The following KIAA0319L variants were observed in gnomAD, a reference collection of about 807,000 sequenced individuals.
KIAA0319L encodes the protein dyslexia-associated protein KIAA0319-like protein.
Under a neutral mutation model 120.1 loss-of-function variants are expected in KIAA0319L, and 55 were observed. The observed-to-expected ratio is 0.46, with a 90% CI of 0.37 to 0.57. The LOEUF (loss-of-function observed/expected upper bound fraction) is 0.57. KIAA0319L is among the 20% of genes least tolerant of loss of function. The pLI, the probability that KIAA0319L is intolerant of heterozygous loss-of-function variation, is 0.00. For missense variants in KIAA0319L, 1,049 were observed against 1,255.3 expected (o/e 0.84, Z 2.48); for synonymous variants, 398 against 471.9 (o/e 0.84, Z 2.03).
At chr1:35,503,052 T>G (rs1645065666) in intron 3 of KIAA0319L, among the ~76,000 whole-genome samples, 1 of 152,170 alleles carries the variant, frequency 6.6e-6, no homozygotes, top group Non-Finnish European at 1.5e-5. Flanking sequence ...GTTTGCCATC[T>G]TCTATCCTTC....
intron 2 of KIAA0319L, among the ~76,000 whole-genome samples, chr1:35,513,297 T>A (rs1477096451): frequency 2.7e-3 from 384 of 141,604 alleles, no homozygotes; most frequent in South Asian, 6.8e-3. Context: ...TATTTTTTTT[T>A]TTTTTTTTTT....
At chr1:35,489,207 A>C (rs1442324553) in intron 3 of KIAA0319L, among the ~76,000 whole-genome samples, 3 of 152,128 alleles carry the variant, frequency 2.0e-5, no homozygotes, top group Non-Finnish European at 4.4e-5. Context: ...CACAAGGTAA[A>C]AAAACAAAAC....
At chr1:35,447,702 G>A (rs534204263) in intron 16 of KIAA0319L, among the ~76,000 whole-genome samples, 1 of 151,554 alleles carries the variant, frequency 6.6e-6, no homozygotes, top group East Asian at 1.9e-4. Context: ...TTCCCAAATA[G>A]CTTGGACTAC....
At chr1:35,485,856 G>A (rs1324029242) in intron 3 of KIAA0319L, among the ~76,000 whole-genome samples, 1 of 152,052 alleles carries the variant, frequency 6.6e-6, no homozygotes, top group Non-Finnish European at 1.5e-5. Context: ...GTTCCAGGCT[G>A]GTTGGAACTC....
At chr1:35,451,606 C>G (rs1033075354) in intron 13 of KIAA0319L, 22 bp downstream of exon 13, 1 of 1,611,454 alleles carries the variant, frequency 6.2e-7, no homozygotes, top group African/African-American at 1.3e-5. Context: ...GGCTGCTACA[C>G]AAACTGGAGG....
chr1:35,470,836 C>A lies in KIAA0319L; in HGVS notation c.1113+27G>T. On this transcript the variant is annotated intron_variant, in intron 6 of 20. Coordinates refer to ENST00000325722, the MANE Select transcript of KIAA0319L (RefSeq NM_024874.5). ...AAACAGTCAACTCCTCTACCTTTGC[C>A]CTGCAAGTGAAAGGAGGCAAATTCA... 4 of 1,381,778 alleles carry A rather than the reference C, an allele frequency of 2.9e-6. No individual in the cohort carries two copies. In the South Asian group the frequency reaches 4.6e-5, roughly 16 times the overall value. The allele number at this position is 1,381,778 out of a possible 1,614,324, so 85.6% of individuals were successfully genotyped here.
At chr1:35,530,118 C>T (rs981816976) in intron 2 of KIAA0319L, among the ~76,000 whole-genome samples, 1 of 152,090 alleles carries the variant, frequency 6.6e-6, no homozygotes, top group Admixed American at 6.5e-5. Flanking sequence ...TCACTGCACC[C>T]TCAGCCTCAC....
At chr1:35,499,395 C>A (rs1419191093) in intron 3 of KIAA0319L, among the ~76,000 whole-genome samples, 1 of 152,108 alleles carries the variant, frequency 6.6e-6, no homozygotes, top group Non-Finnish European at 1.5e-5. Context: ...TTGTCTTCCT[C>A]TTCCACCGTG....
intron 5 of KIAA0319L, among the ~76,000 whole-genome samples, chr1:35,472,420 T>C (rs1318558718): frequency 6.6e-6 from 1 of 151,930 alleles, no homozygotes; most frequent in Non-Finnish European, 1.5e-5. Flanking sequence ...GCCTCCCAAG[T>C]GGCTAGGATT....
At chr1:35,502,949 G>A (rs1645062429) in intron 3 of KIAA0319L, among the ~76,000 whole-genome samples, 2 of 152,166 alleles carry the variant, frequency 1.3e-5, no homozygotes, top group African/African-American at 4.8e-5. Context: ...AGCTACTGAG[G>A]AGAATCACAC....
At chr1:35,535,910 T>C (rs974438665) in intron 2 of KIAA0319L, among the ~76,000 whole-genome samples, 6 of 152,234 alleles carry the variant, frequency 3.9e-5, no homozygotes, top group African/African-American at 1.4e-4. Flanking sequence ...TAGCACATAG[T>C]AGACATTCAA....
rs1314162086 is a variant in KIAA0319L, at chr1:35,450,554, G to T, written c.2063-45C>A. 3.2e-6 allele frequency: 5 copies of T among 1,552,032 alleles called. No individual in the cohort carries two copies. The East Asian group carries it at 1.1e-4, about 35-fold the overall frequency. ...TGACATAATGTGACATTCTGGAAAA[G>T]AAGAAATGTTTCTTCATGATGCTTA... On this transcript the variant is annotated intron_variant, in intron 13 of 20. Transcript: ENST00000325722.
chr1:35,441,223 T>G, intron 19 of KIAA0319L, 85 bp from the exon 20 acceptor site: 9 of 1,178,026 alleles, frequency 7.6e-6, no homozygotes, highest in Non-Finnish European at 1.0e-5. Context: ...TGCAGGGCCC[T>G]ATTTTGGTGG....
At chr1:35,505,370 C>T (rs1645170150) in intron 3 of KIAA0319L, among the ~76,000 whole-genome samples, 1 of 152,168 alleles carries the variant, frequency 6.6e-6, no homozygotes, top group Non-Finnish European at 1.5e-5. Flanking sequence ...CACCCCAGTA[C>T]AATCCTACAC....
intron 2 of KIAA0319L, among the ~76,000 whole-genome samples, chr1:35,526,327 GTGTATA>G (rs1646127558): frequency 1.4e-5 from 2 of 145,946 alleles, no homozygotes; most frequent in Non-Finnish European, 3.0e-5. Context: ...GTGTATGTGT[GTGTATA>G]TGTATATATG....
In KIAA0319L at chr1:35,557,305, C is replaced by CGGAGGA. The variant is rs28366020; in HGVS notation, c.-133_-128dup. 1 of 231,650 alleles carries CGGAGGA rather than the reference C, an allele frequency of 4.3e-6. No homozygotes were observed. Among genetic ancestry groups the CGGAGGA allele is most frequent in the Admixed American group, 5.4e-5 (1 of 18,598 alleles). The allele number at this position is 231,650 out of a possible 1,614,324, so 14.3% of individuals were successfully genotyped here. ...ACCCCCAACCTTCGCTCCCCTCACC[C>CGGAGGA]GGAGGAGGAGGAGGAAGAGGAAGAA... is the stretch of plus-strand genomic sequence containing the variant. On this transcript the variant is annotated 5_prime_UTR_variant, in exon 1 of 21. Transcript: ENST00000325722.
intron 3 of KIAA0319L, among the ~76,000 whole-genome samples, chr1:35,505,533 C>T (rs1310949224): frequency 2.6e-5 from 4 of 152,212 alleles, no homozygotes; most frequent in Admixed American, 2.6e-4. Flanking sequence ...TACCTATCTT[C>T]ATGTATCAGT....
intron 2 of KIAA0319L, among the ~76,000 whole-genome samples, chr1:35,536,425 T>G (rs1382181112): frequency 6.6e-6 from 1 of 152,228 alleles, no homozygotes; most frequent in East Asian, 1.9e-4. Context: ...CATGAAAATT[T>G]CTGAACAAAG....
rs778787484 is a variant in KIAA0319L, at chr1:35,456,162, G to C, written c.1507C>G (p.Pro503Ala). ...LTVNKAVDYP[P>A]VANAGPNQVI... ...TGGTTGGGGCCTGCGTTGGCCACAG[G>C]GGGGTAATCCACAGCTTTGTTCACT... Residue 503 changes from proline (P) to alanine (A), a missense_variant, in exon 10 of 21, where the codon CCT becomes GCT. Coordinates refer to ENST00000325722, the MANE Select transcript of KIAA0319L (RefSeq NM_024874.5). 11 of 1,613,726 alleles carry C rather than the reference G, an allele frequency of 6.8e-6. No individual in the cohort carries two copies. The East Asian group carries it at 8.9e-5, about 13-fold the overall frequency.
Sources: allele counts gnomAD v4.1 joint callset (sites outside exome capture counted in the v4.1 genomes callset), GRCh38; gene constraint gnomAD v4.1.1; transcripts MANE v1.5; gene names NCBI Gene and HGNC (gene_info 2026-07-23, HGNC 2026-07-21).